The following MX2 variants were observed in gnomAD, a reference collection of about 807,000 sequenced individuals.
MX2 encodes the protein MX dynamin like GTPase 2.
MX2 carries 51 observed loss-of-function variants against 74.0 expected under a neutral mutation model. That is an observed-to-expected ratio of 0.69 (90% CI 0.55 to 0.87). The LOEUF is 0.87. MX2 is among the 40% of genes least tolerant of loss of function. The pLI, the probability that MX2 is intolerant of heterozygous loss-of-function variation, is 0.00. For missense variants in MX2, 832 were observed against 908.7 expected (o/e 0.92, Z 1.09); for synonymous variants, 369 against 339.3 (o/e 1.09, Z -0.96).
chr21:41,364,142 A>G (rs1335788284), intron 1 of MX2: 1 of 153,194 alleles, frequency 6.5e-6, no homozygotes, highest in Non-Finnish European at 1.5e-5. Context: ...ACTTCTGACC[A>G]CCTCTGCCTG....
At chr21:41,381,544 G>A (rs1458225604) in intron 4 of MX2, among the ~76,000 whole-genome samples, 1 of 152,026 alleles carries the variant, frequency 6.6e-6, no homozygotes, top group Non-Finnish European at 1.5e-5. Context: ...AATTAGCCGG[G>A]CGCAGTGGCA....
At chr21:41,407,667 T>A (rs1437098399) in intron 13 of MX2, among the ~76,000 whole-genome samples, 1 of 152,136 alleles carries the variant, frequency 6.6e-6, no homozygotes, top group Non-Finnish European at 1.5e-5. Context: ...CCCTGGTGCA[T>A]ACCCAGAAGG....
At chr21:41,395,318 T>A (rs979553685) in intron 6 of MX2, among the ~76,000 whole-genome samples, 2 of 152,160 alleles carry the variant, frequency 1.3e-5, no homozygotes, top group Non-Finnish European at 2.9e-5. Context: ...CATGCTGCCT[T>A]AGTGCTGGGC....
chr21:41,363,441 G>T lies in MX2; in HGVS notation c.-72+1386G>T, dbSNP rs2089234348. ...TGTATGTGAGCTTTATTTAGGTTTA[G>T]CCCCTGCCCTAGAATGCAAGCTCCC... On this transcript the variant is annotated intron_variant, in intron 1 of 13. Coordinates refer to ENST00000330714, the MANE Select transcript of MX2 (RefSeq NM_002463.2). The surrounding 1 kb of genome is among the most constrained non-coding windows in gnomAD (Gnocchi z 4.2). 1 of 152,240 alleles carries T rather than the reference G, an allele frequency of 6.6e-6. No individual in the cohort carries two copies. The highest frequency in any genetic ancestry group is 6.5e-5 in the Admixed American group (1 of 15,272). The allele number at this position is 152,240 out of a possible 1,614,324, so 9.4% of individuals were successfully genotyped here. A position where few individuals can be genotyped will look rare whatever the true frequency, so the allele number is the denominator to read the frequency against.
At position 41,382,154 on chromosome 21, in the gene MX2, G is replaced by A. The variant is rs1371666193; in HGVS notation, c.578-256G>A. On this transcript the variant is annotated intron_variant, in intron 4 of 13. Coordinates refer to ENST00000330714, the MANE Select transcript of MX2 (RefSeq NM_002463.2). Reference sequence around the variant, plus strand: ...GGAAGAAAGAGAACAGAACCCATCCGCAGTCCCATAGCTAACATACCAGAA... The same window carrying A: ...GGAAGAAAGAGAACAGAACCCATCCACAGTCCCATAGCTAACATACCAGAA... 6.6e-5 allele frequency among the ~76,000 whole-genome samples: 10 copies of A among 152,286 alleles called. No homozygotes were observed. The South Asian group carries it at 1.0e-3, about 16-fold the overall frequency.
intron 1 of MX2, chr21:41,370,673 T>C (rs1250322107): frequency 6.6e-6 from 1 of 152,176 alleles, no homozygotes; most frequent in Non-Finnish European, 1.5e-5. Flanking sequence ...TTGCCTTCAG[T>C]GAAATTGAGA....
chr21:41,378,070 C>G lies in MX2; in HGVS notation c.442+89C>G, dbSNP rs960836445. ...CCCAGGCACCAAGAGGTTTTAGAGA[C>G]AGGCTGCTGGGTGAGAGAGCTGGGA... is the stretch of plus-strand genomic sequence containing the variant. On this transcript the variant is annotated intron_variant, in intron 3 of 13. Coordinates refer to ENST00000330714, the MANE Select transcript of MX2 (RefSeq NM_002463.2). The G allele has an allele frequency of 6.2e-6, 9 of 1,446,108 alleles. No homozygotes were observed. The African/African-American group carries it at 9.9e-5, about 16-fold the overall frequency. 89.6% of individuals were successfully genotyped at this position (1,446,108 alleles called of 1,614,324 possible).
chr21:41,379,876 C>G, intron 3 of MX2, 141 bp from the exon 4 acceptor site: 1 of 1,069,028 alleles, frequency 9.4e-7, no homozygotes, highest in South Asian at 1.5e-5. Flanking sequence ...TCCAGACCCC[C>G]TCACCTACTA....
At position 41,368,178 on chromosome 21, in the gene MX2, C is replaced by T. The variant is rs971307233; in HGVS notation, c.-72+6123C>T. Among the ~76,000 whole-genome samples, 7 of 152,222 alleles carry T rather than the reference C, an allele frequency of 4.6e-5. No homozygotes were observed. Among genetic ancestry groups the T allele is most frequent in the Non-Finnish European group, 1.0e-4 (7 of 68,046 alleles). On this transcript the variant is annotated intron_variant, in intron 1 of 13. Transcript: ENST00000330714. The surrounding 1 kb of genome is among the most constrained non-coding windows in gnomAD (Gnocchi z 4.6). ...CTGCACCCCTAAGCCTCTTAAGCCC[C>T]CCACTTTCATTCCCTCCTGCCTCTG...
At position 41,403,291 on chromosome 21, in the gene MX2, A is replaced by G. The variant is rs1601434155; in HGVS notation, c.1598A>G (p.Asn533Ser). 1 of 1,613,672 alleles carries G rather than the reference A, an allele frequency of 6.2e-7. No homozygotes were observed. The highest frequency in any genetic ancestry group is 2.2e-5 in the East Asian group (1 of 44,848). Reference protein sequence around the residue: ...AMEIIQQAFINVAKKHFGEFF... With the variant: ...AMEIIQQAFISVAKKHFGEFF... ...GAAATTATCCAGCAAGCTTTCATTA[A>G]CGTGGCCAAAAAACATTTTGGCGAA... The change falls in exon 12 of 14, where the codon AAC becomes AGC. Residue 533 changes from asparagine (N) to serine (S), a missense_variant. By Grantham distance (46) the Asn-to-Ser change is conservative. Coordinates refer to ENST00000330714, the MANE Select transcript of MX2 (RefSeq NM_002463.2).
rs868531083 is a variant in MX2 at position 41,368,298 on chromosome 21, C to T, written c.-72+6243C>T. 3.6e-4 allele frequency among the ~76,000 whole-genome samples: 55 copies of T among 152,306 alleles called. 2 individuals carry two copies. The Middle Eastern group carries it at 0.014, about 38-fold the overall frequency. ...GGCACCCAGCCAGCCGACAGGCTCC[C>T]GAGACAGTCCACTCACACAGACACA... On this transcript the variant is annotated intron_variant, in intron 1 of 13. Coordinates refer to ENST00000330714, the MANE Select transcript of MX2 (RefSeq NM_002463.2). This position sits in a 1 kb window ranked among gnomAD's most constrained non-coding sequence, Gnocchi z 4.6.
At chr21:41,387,858 G>C (rs1269459227) in intron 5 of MX2, among the ~76,000 whole-genome samples, 1 of 152,134 alleles carries the variant, frequency 6.6e-6, no homozygotes, top group Non-Finnish European at 1.5e-5. Flanking sequence ...TGGCCCCATA[G>C]ACATCCCCGT....
chr21:41,393,311 A>G (rs1006808471), intron 6 of MX2, among the ~76,000 whole-genome samples: 3 of 152,100 alleles, frequency 2.0e-5, no homozygotes, highest in Non-Finnish European at 4.4e-5. Context: ...GTCCATTGCT[A>G]TGGATGTTAT....
chr21:41,390,327 T>A, intron 5 of MX2: 2 of 459,488 alleles, frequency 4.4e-6, no homozygotes, highest in Non-Finnish European at 8.0e-6. Context: ...AATCAGGGGG[T>A]CTTCAGGAAA....
intron 6 of MX2, among the ~76,000 whole-genome samples, chr21:41,393,035 C>G (rs961735734): frequency 7.2e-5 from 10 of 138,992 alleles, no homozygotes; most frequent in African/African-American, 2.2e-4. Flanking sequence ...GAACCTGAGA[C>G]GAAGTTTGCA....
At chr21:41,375,486 C>G (rs1346808616) in intron 1 of MX2, among the ~76,000 whole-genome samples, 1 of 152,242 alleles carries the variant, frequency 6.6e-6, no homozygotes, top group African/African-American at 2.4e-5. Flanking sequence ...CTGGAGGCCC[C>G]AGGGGGAATC....
Position 41,383,339 on chromosome 21 carries a change from G to T in MX2, c.732+775G>T, listed in dbSNP as rs1308541660. Among the ~76,000 whole-genome samples the T allele has an allele frequency of 2.0e-5, 3 of 152,204 alleles. No individual in the cohort carries two copies. In the East Asian group the frequency reaches 5.8e-4, roughly 29 times the overall value. On this transcript the variant is annotated intron_variant, in intron 5 of 13. Transcript: ENST00000330714. ...TGTGCCACTGCACTCCAGCCTGAGTGACAGAGAGAGACTCTGTCTCAAAAA... is the reference window on the plus strand; with the variant it reads ...TGTGCCACTGCACTCCAGCCTGAGTTACAGAGAGAGACTCTGTCTCAAAAA...
chr21:41,386,091 A>G (rs1410203914), intron 5 of MX2, among the ~76,000 whole-genome samples: 1 of 151,802 alleles, frequency 6.6e-6, no homozygotes, highest in East Asian at 1.9e-4. Flanking sequence ...ACCTGAGGTC[A>G]GGAGTTTGTG....
In MX2 at chr21:41,380,584, C is replaced by T. The variant is rs973315025; in HGVS notation, c.577+433C>T. On this transcript the variant is annotated intron_variant, in intron 4 of 13. Transcript: ENST00000330714. The surrounding 1 kb of genome is among the most constrained non-coding windows in gnomAD (Gnocchi z 4.3). ...TGCTGCAGGACCCCTGGTCCCACCC[C>T]AGGTGTCACAACCATGGCTTGTCTT... Among the ~76,000 whole-genome samples, 4 of 152,208 alleles carry T rather than the reference C, an allele frequency of 2.6e-5. No homozygotes were observed. The highest frequency in any genetic ancestry group is 9.7e-5 in the African/African-American group (4 of 41,444).
Sources: allele counts gnomAD v4.1 joint callset (sites outside exome capture counted in the v4.1 genomes callset), GRCh38; gene constraint gnomAD v4.1.1; non-coding constraint Gnocchi (gnomAD v3.1); transcripts MANE v1.5; gene names NCBI Gene and HGNC (gene_info 2026-07-23, HGNC 2026-07-21).